ATP6V0D2: variants seen among roughly 807,000 people sequenced by gnomAD.
The protein encoded by ATP6V0D2 is ATPase H+ transporting V0 subunit d2, also known as V-type proton ATPase subunit d 2.
ATP6V0D2 carries 40 observed loss-of-function variants against 40.0 expected under a neutral mutation model. The observed-to-expected ratio is 1.00, with a 90% CI of 0.78 to 1.30. ATP6V0D2 has a LOEUF of 1.30. ATP6V0D2 is among the 50% of genes most tolerant of loss of function. ATP6V0D2 has a pLI of 0.00. For missense variants in ATP6V0D2, 470 were observed against 423.1 expected, an observed-to-expected ratio of 1.11 and a Z score of -0.97; for synonymous variants, 179 against 156.3, an observed-to-expected ratio of 1.15 and a Z score of -1.08.
chr8:86,145,641 C>T (rs1357724852), intron 5 of ATP6V0D2, among the ~76,000 whole-genome samples: 1 of 152,160 alleles, frequency 6.6e-6, no homozygotes, highest in Non-Finnish European at 1.5e-5. Flanking sequence ...ACATCATTAA[C>T]TGGTGACCCT....
At chr8:86,148,442 A>T (rs777489808) in intron 5 of ATP6V0D2, among the ~76,000 whole-genome samples, 28 of 152,150 alleles carry the variant, frequency 1.8e-4, no homozygotes, top group Non-Finnish European at 3.8e-4. Context: ...TTCCAGTGAA[A>T]TCTGTTGCAA....
Position 86,139,498 on chromosome 8 carries a change from G to A in ATP6V0D2, c.344G>A (p.Gly115Asp), listed in dbSNP as rs376998954. 1 of 1,613,574 alleles carries A rather than the reference G, an allele frequency of 6.2e-7. No individual in the cohort carries two copies. Among genetic ancestry groups the A allele is most frequent in the African/African-American group, 1.3e-5 (1 of 75,002 alleles). ...MIDNVILLMN[G>D]ALQKKSVKEI... is the part of the protein sequence containing the mutation. Reference sequence around the variant, plus strand: ...GACAATGTGATTCTGCTGATGAATGGTGCATTGCAGAAAAAATCTGTGAAA... The same window carrying A: ...GACAATGTGATTCTGCTGATGAATGATGCATTGCAGAAAAAATCTGTGAAA... The change falls in exon 3 of 8, where the codon GGT (glycine) becomes GAT (aspartate). Residue 115 changes from glycine (G) to aspartate (D), a missense_variant. Gly to Asp is a moderately conservative substitution (Grantham distance 94). Transcript: ENST00000285393.
At chr8:86,105,969 T>C (rs1387939944) in intron 1 of ATP6V0D2, among the ~76,000 whole-genome samples, 1 of 151,930 alleles carries the variant, frequency 6.6e-6, no homozygotes, top group Non-Finnish European at 1.5e-5. Context: ...CTCTCCTACC[T>C]CCCTAAGCCT....
intron 1 of ATP6V0D2, among the ~76,000 whole-genome samples, chr8:86,102,337 T>C (rs77885738): frequency 1.5e-5 from 2 of 130,604 alleles, no homozygotes; most frequent in African/African-American, 5.5e-5. Context: ...AGAAATCAAC[T>C]TGTTGGAATA....
At chr8:86,101,324 G>A (rs2130221113) in intron 1 of ATP6V0D2, among the ~76,000 whole-genome samples, 1 of 151,920 alleles carries the variant, frequency 6.6e-6, no homozygotes, top group Admixed American at 6.6e-5. Context: ...GCTGGGCATG[G>A]TGGTGCATGC....
chr8:86,152,808 T>C lies in ATP6V0D2; in HGVS notation c.892-8T>C, dbSNP rs754904689. On this transcript the variant is annotated splice_region_variant and splice_polypyrimidine_tract_variant and intron_variant, in intron 7 of 7. Coordinates refer to ENST00000285393, the MANE Select transcript of ATP6V0D2 (RefSeq NM_152565.1). ...TGATGATCTGTGTTACTTTTTTTCT[T>C]TCCTCAGGTACAAATGAATGTGCTG... 3 of 1,584,640 alleles carry C rather than the reference T, an allele frequency of 1.9e-6. No individual in the cohort carries two copies. The highest frequency in any genetic ancestry group is 1.9e-5 in the Admixed American group (1 of 51,872).
chr8:86,105,157 G>A (rs1818452778), intron 1 of ATP6V0D2, among the ~76,000 whole-genome samples: 1 of 152,090 alleles, frequency 6.6e-6, no homozygotes. Context: ...ACCTAATCCT[G>A]TATAACATCT....
chr8:86,124,287 T>A (rs1818711192), intron 2 of ATP6V0D2, among the ~76,000 whole-genome samples: 1 of 152,196 alleles, frequency 6.6e-6, no homozygotes, highest in South Asian at 2.1e-4. Flanking sequence ...GCCAAAGCTA[T>A]ACTTGGTCTC....
chr8:86,101,862 C>A (rs897005521), intron 1 of ATP6V0D2, among the ~76,000 whole-genome samples: 1 of 152,204 alleles, frequency 6.6e-6, no homozygotes, highest in Non-Finnish European at 1.5e-5. Flanking sequence ...CTAACTCTCT[C>A]TCTTCCCAAT....
chr8:86,105,880 C>T (rs1818465392), intron 1 of ATP6V0D2, among the ~76,000 whole-genome samples: 1 of 152,078 alleles, frequency 6.6e-6, no homozygotes, highest in South Asian at 2.1e-4. Flanking sequence ...TCCCAAAGTG[C>T]TGGGATTATA....
rs747163443 is a variant in ATP6V0D2 at position 86,150,125 on chromosome 8, G to C, written c.653G>C (p.Arg218Thr). 8 of 1,612,770 alleles carry C rather than the reference G, an allele frequency of 5.0e-6. No individual in the cohort carries two copies. The highest frequency in any genetic ancestry group is 6.8e-6 in the Non-Finnish European group (8 of 1,179,502). ...MCPILEFEADRRAFIITLNSF... is the reference protein window; with the variant it reads ...MCPILEFEADTRAFIITLNSF... Reference sequence around the variant, plus strand: ...TTGCAAATTCAGTTTGAGGCCGACAGACGTGCTTTTATCATCACTCTTAAC... The same window carrying C: ...TTGCAAATTCAGTTTGAGGCCGACACACGTGCTTTTATCATCACTCTTAAC... The change falls in exon 6 of 8, where the codon AGA becomes ACA. Residue 218 changes from arginine to threonine, a missense_variant. Transcript: ENST00000285393.
Position 86,153,154 on chromosome 8 carries a change from G to A in ATP6V0D2, c.*177G>A, listed in dbSNP as rs892899673. The A allele has an allele frequency of 4.3e-6, 2 of 460,412 alleles. No homozygotes were observed. Among genetic ancestry groups the A allele is most frequent in the Non-Finnish European group, 3.7e-6 (1 of 272,394 alleles). The allele number at this position is 460,412 out of a possible 1,614,324, so 28.5% of individuals were successfully genotyped here. A position where few individuals can be genotyped will look rare whatever the true frequency, so the allele number is the denominator to read the frequency against. ...CAGCCCTGAAACAAAGCATTTCCTT[G>A]TTTTCAGTGGTATTAGATCTTGTTT... is the stretch of plus-strand genomic sequence containing the variant. On this transcript the variant is annotated 3_prime_UTR_variant, in exon 8 of 8. Transcript: ENST00000285393.
chr8:86,152,710 A>T, intron 7 of ATP6V0D2, 106 bp from the exon 8 acceptor site: 1 of 1,135,078 alleles, frequency 8.8e-7, no homozygotes, highest in Non-Finnish European at 1.2e-6. Context: ...TTGCCTGTTT[A>T]AACACAAATA....
In ATP6V0D2 at chr8:86,105,616, C is replaced by CTTTTTTTTTTTTTTTTTTTT. The variant is rs1401385712; in HGVS notation, c.130+6512_130+6513insTTTTTTTTTTTTTTTTTTTT. ...TGCCTAGCCTGTAAACTTCTTTTTT[C>CTTTTTTTTTTTTTTTTTTTT]TTTTCTTTTTTTTTTTTTTTGAGAT... On this transcript the variant is annotated intron_variant, in intron 1 of 7. Transcript: ENST00000285393. Among the ~76,000 whole-genome samples the CTTTTTTTTTTTTTTTTTTTT allele has an allele frequency of 2.3e-5, 3 of 131,170 alleles. 1 individual carries two copies. The allele number at this position is 131,170 out of a possible 152,430, so 86.1% of individuals were successfully genotyped here. A position where few individuals can be genotyped will look rare whatever the true frequency, so the allele number is the denominator to read the frequency against.
intron 6 of ATP6V0D2, among the ~76,000 whole-genome samples, chr8:86,150,841 G>A (rs1819139510): frequency 6.6e-6 from 1 of 152,114 alleles, no homozygotes; most frequent in South Asian, 2.1e-4. Context: ...CTCAGCTTAA[G>A]GTTGTACACT....
chr8:86,141,409 G>T, intron 3 of ATP6V0D2, 41 bp from the exon 4 acceptor site: 1 of 1,474,576 alleles, frequency 6.8e-7, no homozygotes, highest in Non-Finnish European at 9.4e-7. Context: ...TTATAATCTT[G>T]CTTAAGATTC....
chr8:86,101,818 T>C (rs1056955319), intron 1 of ATP6V0D2, among the ~76,000 whole-genome samples: 3 of 152,176 alleles, frequency 2.0e-5, no homozygotes, highest in Non-Finnish European at 2.9e-5. Flanking sequence ...CCACCTGTGC[T>C]CTACTGCTTT....
intron 2 of ATP6V0D2, among the ~76,000 whole-genome samples, chr8:86,136,116 G>A (rs1435971528): frequency 6.6e-6 from 1 of 152,106 alleles, no homozygotes; most frequent in Non-Finnish European, 1.5e-5. Flanking sequence ...TGCAAGAACT[G>A]GTATTATTGT....
intron 2 of ATP6V0D2, among the ~76,000 whole-genome samples, chr8:86,133,497 A>AT (rs1407177614): frequency 4.0e-5 from 6 of 151,268 alleles, no homozygotes; most frequent in South Asian, 2.1e-4. Flanking sequence ...TAATTTTTGT[A>AT]TTTTTAGTAG....
Sources: allele counts gnomAD v4.1 joint callset (sites outside exome capture counted in the v4.1 genomes callset), GRCh38; gene constraint gnomAD v4.1.1; transcripts MANE v1.5; gene names NCBI Gene and HGNC (gene_info 2026-07-23, HGNC 2026-07-21).